HSD17B12: variants seen among roughly 807,000 people sequenced by gnomAD.
The protein encoded by HSD17B12 is very-long-chain 3-oxoacyl-CoA reductase.
A neutral mutation model predicts 39.3 loss-of-function variants in HSD17B12; 32 were observed. The observed-to-expected ratio is 0.81, with a 90% CI of 0.61 to 1.09. HSD17B12 has a LOEUF of 1.09. HSD17B12 is among the 50% of genes least tolerant of loss of function. HSD17B12 has a pLI of 0.00. For missense variants in HSD17B12, 342 were observed against 382.9 expected, an observed-to-expected ratio of 0.89 and a Z score of 0.89; for synonymous variants, 150 against 146.7, an observed-to-expected ratio of 1.02 and a Z score of -0.16.
chr11:43,845,967 T>A (rs1951471510), intron 9 of HSD17B12, among the ~76,000 whole-genome samples: 1 of 152,194 alleles, frequency 6.6e-6, no homozygotes, highest in Admixed American at 6.5e-5. Context: ...CATTTCAAAA[T>A]GAAAAGTCAC....
intron 7 of HSD17B12, among the ~76,000 whole-genome samples, chr11:43,836,564 C>CACTTTTTTT (rs1451760684): frequency 6.6e-6 from 1 of 151,998 alleles, no homozygotes; most frequent in Non-Finnish European, 1.5e-5. Flanking sequence ...TTAAAGTATA[C>CACTTTTTTT]ACTTTAATGG....
intron 9 of HSD17B12, chr11:43,852,460 T>TTG (rs72304013): frequency 1.6e-5 from 1 of 62,094 alleles, no homozygotes; most frequent in Non-Finnish European, 4.3e-5. Flanking sequence ...TATATTTGGG[T>TTG]TTTTTTTTTT....
intron 3 of HSD17B12, among the ~76,000 whole-genome samples, chr11:43,781,285 T>C (rs1950762959): frequency 6.6e-6 from 1 of 152,224 alleles, no homozygotes; most frequent in Non-Finnish European, 1.5e-5. Flanking sequence ...ATAGCTGTTC[T>C]ATGTAATATT....
At chr11:43,662,221 C>T in the HSD17B12 span, among the ~76,000 whole-genome samples, 9 of 139,538 alleles carry the variant, frequency 6.4e-5, no homozygotes, top group African/African-American at 1.9e-4. Flanking sequence ...TTTTTTGAGA[C>T]GGAGTTTCAA....
upstream of HSD17B12, among the ~76,000 whole-genome samples, chr11:43,676,675 A>C (rs1446330207): frequency 6.6e-6 from 1 of 152,182 alleles, no homozygotes; most frequent in South Asian, 2.1e-4. Flanking sequence ...TGAATGAATG[A>C]ATCTTCACTT....
chr11:43,806,518 A>T (rs572872582), intron 4 of HSD17B12: 1 of 152,128 alleles, frequency 6.6e-6, no homozygotes, highest in African/African-American at 2.4e-5. Flanking sequence ...TAAAAAAAAA[A>T]CCTGGAAATC....
In HSD17B12 at chr11:43,700,341, C is replaced by T. The variant is rs116687644; in HGVS notation, c.160+19354C>T. The stretch of plus-strand genomic sequence containing the variant: ...AAGAATGAGGTGTTCATCCCCTCAA[C>T]CTTTTATCTTTTGAATTACAAACAA... On this transcript the variant is annotated intron_variant, in intron 1 of 10. Coordinates refer to ENST00000278353, the MANE Select transcript of HSD17B12 (RefSeq NM_016142.3). Among the ~76,000 whole-genome samples, 947 of 152,150 alleles carry T rather than the reference C, an allele frequency of 6.2e-3. 16 individuals carry two copies. Among genetic ancestry groups the T allele is most frequent in the African/African-American group, 0.021 (888 of 41,488 alleles).
chr11:43,665,322 G>A, the HSD17B12 span, among the ~76,000 whole-genome samples: 56 of 152,100 alleles, frequency 3.7e-4, 1 homozygote, highest in Non-Finnish European at 2.5e-4. Flanking sequence ...GGGTTGAAAC[G>A]ATTCTTGTGC....
At chr11:43,572,286 G>A in the HSD17B12 span, among the ~76,000 whole-genome samples, 1 of 152,148 alleles carries the variant, frequency 6.6e-6, no homozygotes, top group Non-Finnish European at 1.5e-5. Flanking sequence ...TAGGATGGAG[G>A]GGTCTCTTCT....
chr11:43,716,665 TAAAC>T (rs1950126068), intron 1 of HSD17B12, among the ~76,000 whole-genome samples: 1 of 150,402 alleles, frequency 6.6e-6, no homozygotes, highest in Non-Finnish European at 1.5e-5. Context: ...TTGGGACAAT[TAAAC>T]AAAGAAACAA....
At chr11:43,794,052 T>G (rs1302823622) in intron 3 of HSD17B12, among the ~76,000 whole-genome samples, 2 of 152,178 alleles carry the variant, frequency 1.3e-5, no homozygotes, top group Non-Finnish European at 2.9e-5. Context: ...TTCATACCAG[T>G]TTTTTTCTTC....
the HSD17B12 span, among the ~76,000 whole-genome samples, chr11:43,620,585 T>C: frequency 2.0e-5 from 3 of 152,210 alleles, no homozygotes; most frequent in African/African-American, 7.2e-5. Flanking sequence ...GAAAATTACA[T>C]TCAGATGCCT....
chr11:43,768,255 T>C (rs2134979877), intron 3 of HSD17B12, among the ~76,000 whole-genome samples: 1 of 152,352 alleles, frequency 6.6e-6, no homozygotes, highest in Non-Finnish European at 1.5e-5. Flanking sequence ...TAAATTAAAT[T>C]TGCAGCATGA....
intron 7 of HSD17B12, chr11:43,834,106 A>C (rs1951342812): frequency 6.6e-6 from 1 of 152,202 alleles, no homozygotes; most frequent in East Asian, 1.9e-4. Context: ...TTTCTTCCAC[A>C]AAGCAATATT....
At chr11:43,762,948 G>T (rs1325645233) in intron 3 of HSD17B12, among the ~76,000 whole-genome samples, 1 of 152,054 alleles carries the variant, frequency 6.6e-6, no homozygotes, top group Non-Finnish European at 1.5e-5. Flanking sequence ...TTCTCTTATT[G>T]ATTTAATAGT....
intron 1 of HSD17B12, among the ~76,000 whole-genome samples, chr11:43,710,612 C>A (rs1331581270): frequency 6.6e-6 from 1 of 151,886 alleles, no homozygotes; most frequent in Non-Finnish European, 1.5e-5. Context: ...AGATCTGATT[C>A]ATTCTGAACT....
chr11:43,577,760 G>A, the HSD17B12 span, among the ~76,000 whole-genome samples: 2 of 152,360 alleles, frequency 1.3e-5, no homozygotes, highest in East Asian at 3.9e-4. Context: ...CAAAGCACAG[G>A]AGTTGCTGGT....
rs116635507 is a variant in HSD17B12 at position 43,789,067 on chromosome 11, G to C, written c.284-9253G>C. Among the ~76,000 whole-genome samples the C allele has an allele frequency of 4.1e-3, 622 of 152,214 alleles. 5 individuals carry two copies. Among genetic ancestry groups the C allele is most frequent in the African/African-American group, 0.013 (560 of 41,546 alleles). On this transcript the variant is annotated intron_variant, in intron 3 of 10. Coordinates refer to ENST00000278353, the MANE Select transcript of HSD17B12 (RefSeq NM_016142.3). ...CAGGGATTCTTAAAACATGCTGTTC[G>C]TTTTCTGCACTTTCTGGTTTTGCCA...
rs147984680 is a variant in HSD17B12 at position 43,775,086 on chromosome 11, C to T, written c.283+20965C>T. 3.6e-3 allele frequency among the ~76,000 whole-genome samples: 545 copies of T among 152,196 alleles called. 4 individuals carry two copies. Among genetic ancestry groups the T allele is most frequent in the Admixed American group, 8.1e-3 (124 of 15,278 alleles). On this transcript the variant is annotated intron_variant, in intron 3 of 10. Coordinates refer to ENST00000278353, the MANE Select transcript of HSD17B12 (RefSeq NM_016142.3). Reference sequence around the variant, plus strand: ...ATTTTGACCTTGAAGAAGTAAACTGCCGTCCTGTGGGGAGGGTTATGTGAC... The same window carrying T: ...ATTTTGACCTTGAAGAAGTAAACTGTCGTCCTGTGGGGAGGGTTATGTGAC...
Sources: gnomAD v4.1 joint callset for allele counts (sites outside exome capture counted in the v4.1 genomes callset) on GRCh38, gnomAD v4.1.1 for gene constraint, MANE v1.5 for transcripts, NCBI Gene and HGNC (gene_info 2026-07-23, HGNC 2026-07-21) for gene names.